Variants in ANK3 observed in about 807,000 individuals in gnomAD.
ANK3 encodes the protein ankyrin 3, also known as ankyrin-3.
ANK3 carries 57 observed loss-of-function variants against 370.9 expected under a neutral mutation model. That is an observed-to-expected ratio of 0.15 (90% CI 0.12 to 0.19). The LOEUF (loss-of-function observed/expected upper bound fraction) is 0.19, where lower values mean the gene tolerates loss of function less well. Ranked by LOEUF, ANK3 falls within the 10% of genes least tolerant of loss-of-function variation. The pLI is 1.00. For missense variants in ANK3, 4,439 were observed against 5,302.1 expected (o/e 0.84, Z 5.06); for synonymous variants, 1,929 against 1,946.3 (o/e 0.99, Z 0.23).
chr10:60,347,455 T>A (rs1363563911), intron 1 of ANK3, among the ~76,000 whole-genome samples: 2 of 151,966 alleles, frequency 1.3e-5, no homozygotes, highest in African/African-American at 4.8e-5. Flanking sequence ...TTTCCAGAAA[T>A]GTGAGTCAAA....
intron 7 of ANK3, among the ~76,000 whole-genome samples, chr10:60,254,232 G>GT (rs72095634): frequency 0.18 from 26,968 of 145,860 alleles, 2,679 homozygotes; most frequent in South Asian, 0.26. Flanking sequence ...CTTTTTTATT[G>GT]TTTTTTTTTT....
chr10:60,659,072 A>T (rs529800103), intron 1 of ANK3, among the ~76,000 whole-genome samples: 1 of 152,252 alleles, frequency 6.6e-6, no homozygotes, highest in East Asian at 1.9e-4. Context: ...AAACTGGACT[A>T]AAAAATTAAC....
At chr10:60,108,072 T>C (rs2092374861) in intron 27 of ANK3, 1 of 272,674 alleles carries the variant, frequency 3.7e-6, no homozygotes, top group Non-Finnish European at 7.3e-6. Context: ...TAAAAAAAAC[T>C]TAAAAAATAA....
intron 2 of ANK3, among the ~76,000 whole-genome samples, chr10:60,499,996 G>A (rs544077767): frequency 6.6e-5 from 10 of 152,138 alleles, no homozygotes; most frequent in African/African-American, 2.4e-4. Flanking sequence ...AAACACTTAG[G>A]TTGACTAAAT....
intron 43 of ANK3, among the ~76,000 whole-genome samples, chr10:60,036,228 G>C (rs2074927934): frequency 6.6e-6 from 1 of 152,098 alleles, no homozygotes; most frequent in Non-Finnish European, 1.5e-5. Flanking sequence ...AGACACTGCT[G>C]TTCTCACTTC....
At chr10:60,262,886 CA>C (rs1362016343) in intron 6 of ANK3, among the ~76,000 whole-genome samples, 2 of 152,150 alleles carry the variant, frequency 1.3e-5, no homozygotes, top group African/African-American at 4.8e-5. Context: ...CCTTAAGAGT[CA>C]AGGATTCCTC....
intron 1 of ANK3, among the ~76,000 whole-genome samples, chr10:60,333,206 T>C (rs894222438): frequency 6.6e-6 from 1 of 152,124 alleles, no homozygotes; most frequent in Non-Finnish European, 1.5e-5. Context: ...AATGTGCAGG[T>C]TGTTACATAG....
chr10:60,595,494 T>C lies in ANK3; in HGVS notation c.96+19692A>G, dbSNP rs186060551. Reference sequence around the variant, plus strand: ...TACTAGTCCAGATGGCACCAGTTGGTCTATCAGAATGCAGGGTCTGAAAAA... The same window carrying C: ...TACTAGTCCAGATGGCACCAGTTGGCCTATCAGAATGCAGGGTCTGAAAAA... On this transcript the variant is annotated intron_variant, in intron 2 of 43. Coordinates refer to the ANK3 transcript ENST00000373827. 3.9e-5 allele frequency among the ~76,000 whole-genome samples: 6 copies of C among 152,284 alleles called. No homozygotes were observed. In the East Asian group the frequency reaches 1.2e-3, roughly 29 times the overall value.
chr10:60,413,473 C>A (rs1239480364), intron 2 of ANK3, among the ~76,000 whole-genome samples: 1 of 152,184 alleles, frequency 6.6e-6, no homozygotes, highest in Non-Finnish European at 1.5e-5. Flanking sequence ...TGAGTAACTT[C>A]TCTTCTCTAT....
chr10:60,435,869 G>C (rs2064142079), intron 2 of ANK3, among the ~76,000 whole-genome samples: 1 of 152,214 alleles, frequency 6.6e-6, no homozygotes, highest in Admixed American at 6.5e-5. Flanking sequence ...GGAGGCCGAG[G>C]CGGGCGGATC....
chr10:60,128,357 C>T (rs987939139), intron 25 of ANK3, among the ~76,000 whole-genome samples: 1 of 150,008 alleles, frequency 6.7e-6, no homozygotes, highest in African/African-American at 2.5e-5. Context: ...CTCATGCTCT[C>T]TGTGCCTCAG....
At chr10:60,532,136 A>G (rs913432143) in intron 2 of ANK3, among the ~76,000 whole-genome samples, 1 of 152,184 alleles carries the variant, frequency 6.6e-6, no homozygotes, top group Non-Finnish European at 1.5e-5. Context: ...TTCTAAAATC[A>G]AAATGGGCTG....
chr10:60,551,717 T>C (rs977960698), intron 2 of ANK3, among the ~76,000 whole-genome samples: 1 of 152,200 alleles, frequency 6.6e-6, no homozygotes, highest in Non-Finnish European at 1.5e-5. Context: ...TTTGAAAAAT[T>C]AGGCTCATTT....
intron 38 of ANK3, among the ~76,000 whole-genome samples, chr10:60,066,646 G>C (rs755701217): frequency 2.0e-5 from 3 of 151,952 alleles, no homozygotes; most frequent in Non-Finnish European, 2.9e-5. Flanking sequence ...AAAAAAATTA[G>C]ATGAAACTGC....
chr10:60,382,794 A>AATATATATATATAT (rs1249807913), intron 1 of ANK3, among the ~76,000 whole-genome samples: 4 of 46,746 alleles, frequency 8.6e-5, no homozygotes, highest in Admixed American at 3.4e-4. Flanking sequence ...CCTATACCTA[A>AATATATATATATAT]ATCTATATAT....
chr10:60,351,141 C>T (rs548170510), intron 1 of ANK3, among the ~76,000 whole-genome samples: 2 of 152,120 alleles, frequency 1.3e-5, no homozygotes, highest in East Asian at 3.9e-4. Context: ...TTACTATGAC[C>T]ACAAACATTT....
At chr10:60,641,433 A>T (rs1265279507) in intron 1 of ANK3, among the ~76,000 whole-genome samples, 1 of 151,940 alleles carries the variant, frequency 6.6e-6, no homozygotes, top group African/African-American at 2.4e-5. Context: ...CAAAACAGAG[A>T]TATAGATCAA....
chr10:60,121,005 G>A (rs10821680), intron 25 of ANK3, among the ~76,000 whole-genome samples: 51,506 of 151,974 alleles, frequency 0.34, 9,067 homozygotes, highest in Non-Finnish European at 0.39. Context: ...ACATCTGCAC[G>A]CCCATGTTTA....
chr10:60,196,357 T>G, intron 15 of ANK3, 114 bp from the exon 16 acceptor site: 2 of 1,039,138 alleles, frequency 1.9e-6, no homozygotes, highest in African/African-American at 3.2e-5. Context: ...TACATTCCGG[T>G]TTCCACAGTA....
Sources: gnomAD v4.1 joint callset for allele counts (sites outside exome capture counted in the v4.1 genomes callset) on GRCh38, gnomAD v4.1.1 for gene constraint, MANE v1.5 for transcripts, NCBI Gene and HGNC (gene_info 2026-07-23, HGNC 2026-07-21) for gene names.